Variants in PCDH11X observed in about 807,000 individuals in gnomAD.
PCDH11X encodes protocadherin 11 X-linked.
PCDH11X carries 18 observed loss-of-function variants against 53.3 expected under a neutral mutation model. The observed-to-expected ratio is 0.34, with a 90% CI of 0.23 to 0.50. The LOEUF (loss-of-function observed/expected upper bound fraction) is 0.50. PCDH11X is among the 20% of genes least tolerant of loss of function. The probability of loss-of-function intolerance (pLI) is 0.98; values close to 1 mark genes in which losing one functional copy is unlikely to be tolerated. For missense variants in PCDH11X, 570 were observed against 1,032.4 expected (o/e 0.55, Z 6.14); for synonymous variants, 279 against 393.3 (o/e 0.71, Z 3.44).
intron 6 of PCDH11X, among the ~76,000 whole-genome samples, chrX:92,061,011 T>C (rs1435470480): frequency 8.9e-6 from 1 of 112,082 alleles, no homozygotes; most frequent in Non-Finnish European, 1.9e-5. Flanking sequence ...GACTTATTAA[T>C]AATAGCCATT....
chrX:91,878,570 C>G lies in PCDH11X; in HGVS notation c.2330C>G (p.Thr777Ser), dbSNP rs1297840039. 5.0e-6 allele frequency: 6 copies of G among 1,209,262 alleles called. No individual in the cohort carries two copies. The highest frequency in any genetic ancestry group is 6.7e-6 in the Non-Finnish European group (6 of 895,153). The change falls in exon 6 of 11, where the codon ACC becomes AGC. Residue 777 changes from threonine to serine, a missense_variant. By Grantham distance (58) the Thr-to-Ser change is moderately conservative. Around this residue, in one of 6 missense-constraint regions of PCDH11X, gnomAD observed 226 missense variants for 457.5 expected, o/e 0.49. Coordinates refer to ENST00000682573, the MANE Select transcript of PCDH11X (RefSeq NM_032968.5). ...AATCTGTTCGTGAATGAGTCGGTGA[C>G]CAATGCTACACTGATTAATGAACTG... Reference protein sequence around the residue: ...IVNLFVNESVTNATLINELVR... With the variant: ...IVNLFVNESVSNATLINELVR...
At chrX:91,969,773 G>A (rs1364033092) in intron 6 of PCDH11X, among the ~76,000 whole-genome samples, 4 of 103,251 alleles carry the variant, frequency 3.9e-5, no homozygotes, top group African/African-American at 1.4e-4. Context: ...CTGCAGCCTG[G>A]GTGACTGAGT....
rs5984948 is a variant in PCDH11X at position 92,387,007 on chromosome X, G to A, written c.3145-728G>A. ...GCTGCAAACAAAAATGCTGCTACAA[G>A]ATCTGGTGAAGATGTTACAAACTTC... On this transcript the variant is annotated intron_variant, in intron 8 of 10. Transcript: ENST00000682573. Among the ~76,000 whole-genome samples, 787 of 98,791 alleles carry A rather than the reference G, an allele frequency of 8.0e-3. 8 individuals are homozygous for A. Among genetic ancestry groups the A allele is most frequent in the African/African-American group, 0.027 (741 of 27,012 alleles). 85.8% of individuals were successfully genotyped at this position (98,791 alleles called of 115,157 possible).
At chrX:91,910,989 C>T (rs372561885) in intron 6 of PCDH11X, among the ~76,000 whole-genome samples, 77 of 110,861 alleles carry the variant, frequency 6.9e-4, no homozygotes, top group African/African-American at 2.4e-3. Context: ...AACCTAAAAG[C>T]GGAACCAAAA....
intron 6 of PCDH11X, among the ~76,000 whole-genome samples, chrX:92,101,497 T>C (rs753163536): frequency 8.3e-4 from 92 of 111,259 alleles, no homozygotes; most frequent in Non-Finnish European, 1.6e-3. Context: ...TGGAGGACTG[T>C]AAGGGATATA....
intron 9 of PCDH11X, among the ~76,000 whole-genome samples, chrX:92,433,389 A>G (rs927344526): frequency 9.1e-5 from 10 of 109,858 alleles, no homozygotes; most frequent in Non-Finnish European, 1.9e-4. Context: ...AACATTTTGG[A>G]AACATATTCT....
intron 7 of PCDH11X, among the ~76,000 whole-genome samples, chrX:92,225,022 A>G (rs962559088): frequency 1.8e-5 from 2 of 111,456 alleles, no homozygotes; most frequent in Non-Finnish European, 3.8e-5. Context: ...TAGTATAGAA[A>G]CATATTGGGC....
At chrX:91,852,677 G>A (rs1477144794) in intron 5 of PCDH11X, among the ~76,000 whole-genome samples, 3 of 111,275 alleles carry the variant, frequency 2.7e-5, no homozygotes, top group Non-Finnish European at 5.7e-5. Flanking sequence ...TCCTTGTGGG[G>A]TGGTGTGAGA....
Position 92,482,705 on chromosome X carries a change from T to C in PCDH11X, c.3367+14383T>C, listed in dbSNP as rs935894090. Among the ~76,000 whole-genome samples, 155 of 109,134 alleles carry C rather than the reference T, an allele frequency of 1.4e-3. 1 individual carries two copies. Among genetic ancestry groups the C allele is most frequent in the Non-Finnish European group, 1.3e-3 (66 of 52,312 alleles). 94.8% of individuals were successfully genotyped at this position (109,134 alleles called of 115,157 possible). ...TTTTAAAACTTCAGTGAAGTCTTGA[T>C]GTAAATGAATAGATGTATGTATATA... On this transcript the variant is annotated intron_variant, in intron 10 of 10. Coordinates refer to ENST00000682573, the MANE Select transcript of PCDH11X (RefSeq NM_032968.5).
chrX:91,841,526 C>A (rs933476401), intron 5 of PCDH11X, among the ~76,000 whole-genome samples: 2 of 111,402 alleles, frequency 1.8e-5, no homozygotes, highest in African/African-American at 6.5e-5. Context: ...TCTGTTATTT[C>A]ATTGTCCACT....
In PCDH11X at chrX:92,014,140, A is replaced by T. The variant is rs1298123871; in HGVS notation, c.3033+134867A>T. 4.5e-5 allele frequency among the ~76,000 whole-genome samples: 5 copies of T among 110,520 alleles called. No individual in the cohort carries two copies. In the East Asian group the frequency reaches 1.4e-3, roughly 32 times the overall value. On this transcript the variant is annotated intron_variant, in intron 6 of 10. Transcript: ENST00000682573. ...AATTTTTGCAATCTACTCATCTGAC[A>T]AAGGGCTAATCTCCAGAATCTACAA...
At chrX:92,610,953 A>G (rs1171810729) in intron 10 of PCDH11X, among the ~76,000 whole-genome samples, 1 of 111,296 alleles carries the variant, frequency 9.0e-6, no homozygotes, top group Non-Finnish European at 1.9e-5. Flanking sequence ...CCATTGGTCT[A>G]TGTGTTTGCT....
At chrX:92,614,783 G>A (rs1927790893) in intron 10 of PCDH11X, among the ~76,000 whole-genome samples, 1 of 111,206 alleles carries the variant, frequency 9.0e-6, no homozygotes, top group African/African-American at 3.3e-5. Context: ...TCAGCCCCAA[G>A]TTCTCTGGAC....
chrX:92,482,287 T>C (rs2073525408), intron 10 of PCDH11X, among the ~76,000 whole-genome samples: 2 of 111,977 alleles, frequency 1.8e-5, no homozygotes, highest in South Asian at 7.5e-4. Context: ...TATTTTTTTT[T>C]CTAGATTGAA....
chrX:92,156,112 T>C (rs2148249620), intron 6 of PCDH11X, among the ~76,000 whole-genome samples: 1 of 108,409 alleles, frequency 9.2e-6, no homozygotes, highest in East Asian at 2.9e-4. Context: ...GTTGAGGGCC[T>C]CCCCTGTGAC....
At chrX:92,411,215 C>T (rs1345557616) in intron 9 of PCDH11X, among the ~76,000 whole-genome samples, 2 of 110,018 alleles carry the variant, frequency 1.8e-5, no homozygotes, top group Non-Finnish European at 3.8e-5. Flanking sequence ...TACACATTAA[C>T]GTTATATTTC....
rs1396600652 is a variant in PCDH11X at position 92,249,747 on chromosome X, T to A, written c.3115-13367T>A. On this transcript the variant is annotated intron_variant, in intron 7 of 10. Coordinates refer to ENST00000682573, the MANE Select transcript of PCDH11X (RefSeq NM_032968.5). ...TGGACCCTAGGATCCATTTTGAGAA[T>A]AGCATTGGTTTTTATCCCCTTTAAT... Among the ~76,000 whole-genome samples the A allele has an allele frequency of 2.7e-5, 3 of 112,033 alleles. No homozygotes were observed. The Admixed American group carries it at 2.8e-4, about 11-fold the overall frequency.
chrX:92,114,624 A>G (rs1396029025), intron 6 of PCDH11X, among the ~76,000 whole-genome samples: 1 of 111,784 alleles, frequency 8.9e-6, no homozygotes, highest in Non-Finnish European at 1.9e-5. Context: ...AAGGTTCTTT[A>G]TATCCCAATT....
intron 9 of PCDH11X, chrX:92,460,423 C>A (rs147615945): frequency 0.15 from 124,311 of 824,659 alleles, 7,201 homozygotes; most frequent in Non-Finnish European, 0.17. Context: ...CATCCGGGCC[C>A]AATATGACGA....
Sources: gnomAD v4.1 joint callset for allele counts (sites outside exome capture counted in the v4.1 genomes callset) on GRCh38, gnomAD v4.1.1 for gene constraint, gnomAD v4.1.1 regional missense constraint, MANE v1.5 for transcripts, NCBI Gene and HGNC (gene_info 2026-07-23, HGNC 2026-07-21) for gene names.